The following KHDRBS2 variants were observed in gnomAD, a reference collection of about 807,000 sequenced individuals.
KHDRBS2 encodes the protein KH RNA binding domain containing, signal transduction associated 2, also known as KH domain-containing, RNA-binding, signal transduction-associated protein 2.
Under a neutral mutation model 44.3 loss-of-function variants are expected in KHDRBS2, and 26 were observed. That is an observed-to-expected ratio of 0.59 (90% CI 0.43 to 0.81). The LOEUF is 0.81. Among genes scored for constraint, KHDRBS2 ranks in the 40% least tolerant of loss-of-function variants. KHDRBS2 has a pLI of 0.00. For missense variants in KHDRBS2, 476 were observed against 433.1 expected (o/e 1.10, Z -0.88); for synonymous variants, 194 against 151.1 (o/e 1.28, Z -2.08).
chr6:61,719,378 C>T (rs1357557061), intron 7 of KHDRBS2, among the ~76,000 whole-genome samples: 1 of 150,114 alleles, frequency 6.7e-6, no homozygotes, highest in Non-Finnish European at 1.5e-5. Context: ...TTAATTTGGA[C>T]ATTGGGAAAT....
chr6:61,830,721 C>T (rs1175755369), intron 6 of KHDRBS2, among the ~76,000 whole-genome samples: 1 of 152,144 alleles, frequency 6.6e-6, no homozygotes, highest in African/African-American at 2.4e-5. Context: ...CAGGTTAAGG[C>T]TAGCTTACCA....
At chr6:62,060,573 T>C (rs150146043) in intron 2 of KHDRBS2, among the ~76,000 whole-genome samples, 93 of 151,532 alleles carry the variant, frequency 6.1e-4, no homozygotes, top group African/African-American at 2.2e-3. Flanking sequence ...TATAACATTA[T>C]AAAATGAAAT....
chr6:61,550,866 G>A, the KHDRBS2 span, among the ~76,000 whole-genome samples: 1 of 147,494 alleles, frequency 6.8e-6, no homozygotes, highest in Non-Finnish European at 1.5e-5. Flanking sequence ...TCCACCTCCT[G>A]GGTTCAAGTG....
chr6:62,100,276 T>C (rs1801560102), intron 2 of KHDRBS2, among the ~76,000 whole-genome samples: 1 of 152,208 alleles, frequency 6.6e-6, no homozygotes, highest in Non-Finnish European at 1.5e-5. Context: ...GGATGAGGAA[T>C]TGCTTTTTAT....
In KHDRBS2 at chr6:61,913,382, G is replaced by A. The variant is rs528631774; in HGVS notation, c.484-12011C>T. ...AAGCTCATACTGCTCAGCACTGGGG[G>A]CAGAAAACTGGGTTTCTGTTGAACT... On this transcript the variant is annotated intron_variant, in intron 4 of 8. Coordinates refer to ENST00000281156, the MANE Select transcript of KHDRBS2 (RefSeq NM_152688.4). Among the ~76,000 whole-genome samples, 242 of 152,082 alleles carry A rather than the reference G, an allele frequency of 1.6e-3. 7 individuals carry two copies. The South Asian group carries it at 0.046, about 29-fold the overall frequency.
At chr6:62,263,297 C>T (rs1181330173) in intron 1 of KHDRBS2, among the ~76,000 whole-genome samples, 3 of 145,798 alleles carry the variant, frequency 2.1e-5, no homozygotes, top group Admixed American at 1.4e-4. Flanking sequence ...TATTTTAATG[C>T]TTTTTAAAAA....
chr6:62,158,324 A>G (rs796511792), intron 2 of KHDRBS2, among the ~76,000 whole-genome samples: 8 of 152,202 alleles, frequency 5.3e-5, no homozygotes, highest in African/African-American at 1.7e-4. Flanking sequence ...ATGTGCTGAC[A>G]CTATGCCAGG....
In KHDRBS2 at chr6:61,955,511, CATAT is replaced by C. The variant is rs1237078786; in HGVS notation, c.483+22551_483+22554del. On this transcript the variant is annotated intron_variant, in intron 4 of 8. Coordinates refer to ENST00000281156, the MANE Select transcript of KHDRBS2 (RefSeq NM_152688.4). ...GTATGTATACATGTGTATATATACACATATGTATGTATGTATACATGTGTATATA... is the reference window on the plus strand; with the variant it reads ...GTATGTATACATGTGTATATATACACGTATGTATGTATACATGTGTATATA... 7.8e-5 allele frequency among the ~76,000 whole-genome samples: 6 copies of C among 76,948 alleles called. 2 individuals are homozygous for C. Among genetic ancestry groups the C allele is most frequent in the Non-Finnish European group, 1.1e-4 (4 of 37,844 alleles). 50.5% of individuals were successfully genotyped at this position (76,948 alleles called of 152,430 possible).
At chr6:61,917,561 G>T (rs1562438679) in intron 4 of KHDRBS2, among the ~76,000 whole-genome samples, 1 of 151,852 alleles carries the variant, frequency 6.6e-6, no homozygotes, top group South Asian at 2.1e-4. Flanking sequence ...TACTATAATT[G>T]CAGATAGATG....
At chr6:61,945,113 GTATATATATATATATATATATA>G (rs61105265) in intron 4 of KHDRBS2, among the ~76,000 whole-genome samples, 1 of 14,990 alleles carries the variant, frequency 6.7e-5, no homozygotes, top group South Asian at 3.5e-3. Flanking sequence ...AAAAAAAAAA[GTATATATATATATATATATATA>G]TATATATATA....
intron 6 of KHDRBS2, among the ~76,000 whole-genome samples, chr6:61,743,296 T>C (rs1056909005): frequency 3.9e-5 from 6 of 152,114 alleles, no homozygotes; most frequent in African/African-American, 1.2e-4. Context: ...GCATGTTCTG[T>C]ATCTTTACAC....
chr6:62,075,917 T>TC (rs1796241220), intron 2 of KHDRBS2, among the ~76,000 whole-genome samples: 1 of 131,948 alleles, frequency 7.6e-6, no homozygotes, highest in African/African-American at 2.9e-5. Flanking sequence ...CTCTCTCTTC[T>TC]ATTTTTAATG....
chr6:62,061,115 G>C (rs1002673546), intron 2 of KHDRBS2, among the ~76,000 whole-genome samples: 4 of 151,900 alleles, frequency 2.6e-5, no homozygotes, highest in African/African-American at 7.2e-5. Context: ...GATGGGTCTT[G>C]ACTCTTTATC....
intron 2 of KHDRBS2, among the ~76,000 whole-genome samples, chr6:62,151,901 T>C (rs1815280765): frequency 6.6e-6 from 1 of 152,212 alleles, no homozygotes; most frequent in African/African-American, 2.4e-5. Context: ...GCACAGTTAA[T>C]ATAAGTATGT....
chr6:61,958,132 C>A (rs981150227), intron 4 of KHDRBS2, among the ~76,000 whole-genome samples: 4 of 152,048 alleles, frequency 2.6e-5, no homozygotes, highest in African/African-American at 4.8e-5. Context: ...ACATCAAAAC[C>A]ATTTCCCTCT....
the KHDRBS2 span, among the ~76,000 whole-genome samples, chr6:61,585,263 TA>T: frequency 6.6e-6 from 1 of 151,882 alleles, no homozygotes; most frequent in Non-Finnish European, 1.5e-5. Flanking sequence ...CTGTGGTTTT[TA>T]AAAAGTCCTC....
chr6:62,059,198 GTTTTTTTTTTTTTTTTTTTTTTTT>G (rs398001756), intron 2 of KHDRBS2, among the ~76,000 whole-genome samples: 12 of 24,878 alleles, frequency 4.8e-4, no homozygotes, highest in Non-Finnish European at 8.2e-5. Flanking sequence ...AAGTTAGGAA[GTTTTTTTTTTTTTTTTTTTTTTTT>G]TTTTTTTTTT....
chr6:61,955,591 T>C lies in KHDRBS2; in HGVS notation c.483+22475A>G, dbSNP rs1410993509. On this transcript the variant is annotated intron_variant, in intron 4 of 8. Coordinates refer to ENST00000281156, the MANE Select transcript of KHDRBS2 (RefSeq NM_152688.4). ...ATATATACACGTATGTATGTATGTA[T>C]ACATGTGTGTATATACACGTATGTA... is the stretch of plus-strand genomic sequence containing the variant. 3.0e-5 allele frequency among the ~76,000 whole-genome samples: 2 copies of C among 66,702 alleles called. 1 individual carries two copies. Among genetic ancestry groups the C allele is most frequent in the Non-Finnish European group, 7.0e-5 (2 of 28,562 alleles). The allele number at this position is 66,702 out of a possible 152,430, so 43.8% of individuals were successfully genotyped here.
At chr6:61,710,538 G>T (rs1176541932) in intron 7 of KHDRBS2, among the ~76,000 whole-genome samples, 1 of 151,404 alleles carries the variant, frequency 6.6e-6, no homozygotes, top group Admixed American at 6.6e-5. Flanking sequence ...CTGTATCAAG[G>T]CATGGTGGAG....
Sources: allele counts gnomAD v4.1 joint callset (sites outside exome capture counted in the v4.1 genomes callset), GRCh38; gene constraint gnomAD v4.1.1; transcripts MANE v1.5; gene names NCBI Gene and HGNC (gene_info 2026-07-23, HGNC 2026-07-21).